SMS: variants seen among roughly 807,000 people sequenced by gnomAD.
SMS encodes the protein spermidine aminopropyltransferase.
SMS carries 3 observed loss-of-function variants against 33.0 expected under a neutral mutation model. The observed-to-expected ratio is 0.09, with a 90% CI of 0.04 to 0.23. The LOEUF (loss-of-function observed/expected upper bound fraction) is 0.23. Ranked by LOEUF, SMS falls within the 10% of genes least tolerant of loss-of-function variation. The probability of loss-of-function intolerance (pLI) is 1.00; values close to 1 mark genes in which losing one functional copy is unlikely to be tolerated. For synonymous variants in SMS, 103 were observed against 112.2 expected (o/e 0.92, Z 0.52); for missense variants, 117 against 288.6 (o/e 0.41, Z 4.31).
chrX:21,948,338 G>A (rs1045597255), intron 1 of SMS, among the ~76,000 whole-genome samples: 1 of 110,302 alleles, frequency 9.1e-6, no homozygotes, highest in African/African-American at 3.3e-5. Context: ...GGCGCTAGGA[G>A]TGACCCCCAT....
chrX:21,987,686 C>G (rs187348838), intron 9 of SMS, among the ~76,000 whole-genome samples: 1 of 112,411 alleles, frequency 8.9e-6, no homozygotes, highest in East Asian at 2.8e-4. Context: ...TTAAATTAAT[C>G]AAGGAAAAAT....
At chrX:21,941,682 C>G (rs1326373883) in intron 1 of SMS, among the ~76,000 whole-genome samples, 1 of 107,876 alleles carries the variant, frequency 9.3e-6, no homozygotes, top group Non-Finnish European at 1.9e-5. Context: ...GTCAGGAGTT[C>G]GAGACCAGCC....
At chrX:21,947,340 T>TA (rs1422746358) in intron 1 of SMS, among the ~76,000 whole-genome samples, 1 of 111,557 alleles carries the variant, frequency 9.0e-6, no homozygotes, top group African/African-American at 3.3e-5. Context: ...GGCCCTACTC[T>TA]ACACGGACTG....
intron 9 of SMS, 137 bp downstream of exon 9, chrX:21,985,360 T>G (rs747159180): frequency 1.3e-5 from 6 of 450,538 alleles, no homozygotes; most frequent in African/African-American, 1.2e-4. Flanking sequence ...AACAGTAAGC[T>G]TCTACGTTGA....
intron 1 of SMS, among the ~76,000 whole-genome samples, chrX:21,944,388 C>T (rs1224293513): frequency 9.1e-6 from 1 of 109,714 alleles, no homozygotes; most frequent in Non-Finnish European, 1.9e-5. Flanking sequence ...AGGCAGGATG[C>T]CTGGGTATCC....
At position 21,967,399 on chromosome X, in the gene SMS, C is replaced by T. The variant is rs190564737; in HGVS notation, c.170+83C>T. 8.8e-5 allele frequency: 95 copies of T among 1,073,654 alleles called. No homozygotes were observed. The Middle Eastern group carries it at 1.3e-3, about 15-fold the overall frequency. 88.5% of individuals were successfully genotyped at this position (1,073,654 alleles called of 1,213,427 possible). ...CAGAGTGGAGGATGGGGGTGGCATC[C>T]GGCATTTTTTTTTCTCCTTTGACAT... On this transcript the variant is annotated intron_variant, in intron 2 of 10. Coordinates refer to ENST00000404933, the MANE Select transcript of SMS (RefSeq NM_004595.5).
chrX:21,946,638 C>T (rs1202207395), intron 1 of SMS, among the ~76,000 whole-genome samples: 1 of 111,362 alleles, frequency 9.0e-6, no homozygotes. Flanking sequence ...GTGCTTCCCT[C>T]CGTGGGTGAC....
rs763755626 is a variant in SMS at position 21,978,345 on chromosome X, C to T, written c.660+231C>T. On this transcript the variant is annotated intron_variant, in intron 6 of 10. Coordinates refer to ENST00000404933, the MANE Select transcript of SMS (RefSeq NM_004595.5). ...ATCCTAGCACTTTGGGAGGCCGAGG[C>T]GGGTGGATCACCTGAGGTCAGGAGT... Among the ~76,000 whole-genome samples the T allele has an allele frequency of 7.2e-5, 8 of 111,460 alleles. No individual in the cohort carries two copies. In the South Asian group the frequency reaches 3.0e-3, roughly 42 times the overall value.
chrX:21,946,405 G>GCC (rs1264212905), intron 1 of SMS, among the ~76,000 whole-genome samples: 1 of 112,767 alleles, frequency 8.9e-6, no homozygotes, highest in Non-Finnish European at 1.9e-5. Context: ...GGGGCTAAGT[G>GCC]CCCTGAGTGC....
chrX:21,951,980 A>G (rs1191016250), intron 1 of SMS, among the ~76,000 whole-genome samples: 1 of 112,104 alleles, frequency 8.9e-6, no homozygotes, highest in Non-Finnish European at 1.9e-5. Flanking sequence ...TGTGTGGTAC[A>G]AATGGCTTGC....
At chrX:21,944,544 A>AAAAAAAAAAAAAAAAAAAAAAAAAAAG (rs1555992699) in intron 1 of SMS, among the ~76,000 whole-genome samples, 7 of 99,047 alleles carry the variant, frequency 7.1e-5, no homozygotes, top group Admixed American at 5.4e-4. Context: ...AAAAAAAAAA[A>AAAAAAAAAAAAAAAAAAAAAAAAAAAG]AGAAAAAAAA....
At chrX:21,958,350 G>A (rs1923113884) in intron 1 of SMS, among the ~76,000 whole-genome samples, 1 of 112,500 alleles carries the variant, frequency 8.9e-6, no homozygotes, top group East Asian at 2.8e-4. Context: ...TGCCAGTGGA[G>A]AAACCAACTT....
At chrX:21,974,238 GA>G (rs1924391712) in intron 4 of SMS, among the ~76,000 whole-genome samples, 1 of 112,516 alleles carries the variant, frequency 8.9e-6, no homozygotes, top group African/African-American at 3.2e-5. Flanking sequence ...CTCCAGAGCA[GA>G]TGTAAGATAA....
chrX:21,947,662 C>G (rs951824175), intron 1 of SMS, among the ~76,000 whole-genome samples: 1 of 111,144 alleles, frequency 9.0e-6, no homozygotes, highest in African/African-American at 3.3e-5. Flanking sequence ...GGGATGGGCC[C>G]GATCATTAGG....
intron 1 of SMS, among the ~76,000 whole-genome samples, chrX:21,948,380 G>A (rs1470943548): frequency 9.4e-6 from 1 of 105,892 alleles, no homozygotes; most frequent in Non-Finnish European, 1.9e-5. Flanking sequence ...ACTTTTTCAA[G>A]TAATCTGAAG....
At chrX:21,966,023 C>T (rs1002693752) in intron 1 of SMS, among the ~76,000 whole-genome samples, 6 of 111,921 alleles carry the variant, frequency 5.4e-5, no homozygotes, top group African/African-American at 1.9e-4. Context: ...CTAAACTTCC[C>T]GTTTGTAGCC....
intron 1 of SMS, among the ~76,000 whole-genome samples, chrX:21,948,020 C>T (rs1922354619): frequency 9.0e-6 from 1 of 111,258 alleles, no homozygotes; most frequent in East Asian, 2.8e-4. Context: ...ATGCTCTTTT[C>T]CCAACTCTGC....
intron 1 of SMS, among the ~76,000 whole-genome samples, chrX:21,943,578 G>T (rs1921976289): frequency 9.0e-6 from 1 of 110,784 alleles, no homozygotes; most frequent in African/African-American, 3.3e-5. Flanking sequence ...TGTTCTTAAA[G>T]ATGAGAAAGC....
chrX:21,963,236 T>A (rs1602195854), intron 1 of SMS, among the ~76,000 whole-genome samples: 1 of 111,309 alleles, frequency 9.0e-6, no homozygotes, highest in African/African-American at 3.3e-5. Context: ...CCCCAAGGGC[T>A]GGGTGACAGG....
Sources: gnomAD v4.1 joint callset for allele counts (sites outside exome capture counted in the v4.1 genomes callset) on GRCh38, gnomAD v4.1.1 for gene constraint, MANE v1.5 for transcripts, NCBI Gene and HGNC (gene_info 2026-07-23, HGNC 2026-07-21) for gene names.